Variants in GLT8D2 observed in about 807,000 individuals in gnomAD.
GLT8D2 encodes glycosyltransferase 8 domain-containing protein 2.
A neutral mutation model predicts 44.5 loss-of-function variants in GLT8D2; 45 were observed. The ratio of observed to expected loss-of-function variants is 1.01; its 90% confidence interval spans 0.80 to 1.30. GLT8D2 has a LOEUF of 1.30. Among genes scored for constraint, GLT8D2 ranks in the 50% most tolerant of loss-of-function variants. The probability of loss-of-function intolerance (pLI) is 0.00; values close to 1 mark genes in which losing one functional copy is unlikely to be tolerated. For synonymous variants in GLT8D2, 156 were observed against 157.2 expected, an observed-to-expected ratio of 0.99 and a Z score of 0.06; for missense variants, 400 against 430.4, an observed-to-expected ratio of 0.93 and a Z score of 0.62.
chr12:104,037,959 C>A (rs1178389720), intron 1 of GLT8D2, among the ~76,000 whole-genome samples: 1 of 152,156 alleles, frequency 6.6e-6, no homozygotes, highest in Non-Finnish European at 1.5e-5. Flanking sequence ...ATCAAGTTGG[C>A]CTCATCCCTG....
chr12:104,058,416 G>A (rs576412387), intron 1 of GLT8D2, among the ~76,000 whole-genome samples: 5 of 152,220 alleles, frequency 3.3e-5, no homozygotes, highest in African/African-American at 9.6e-5. Context: ...TTGAGTTCTC[G>A]GATATTGCTG....
At chr12:104,047,369 A>G (rs1426180280) in intron 1 of GLT8D2, among the ~76,000 whole-genome samples, 4 of 148,850 alleles carry the variant, frequency 2.7e-5, no homozygotes, top group African/African-American at 9.9e-5. Flanking sequence ...CAATGGTGCA[A>G]TCTCAGCTCA....
At chr12:104,027,441 A>G (rs1448913051) in intron 1 of GLT8D2, among the ~76,000 whole-genome samples, 1 of 152,242 alleles carries the variant, frequency 6.6e-6, no homozygotes, top group African/African-American at 2.4e-5. Context: ...TAAGTCCCTC[A>G]GGCCATCCAC....
intron 6 of GLT8D2, among the ~76,000 whole-genome samples, chr12:103,997,912 A>C: frequency 1.4e-5 from 1 of 71,336 alleles, no homozygotes; most frequent in Admixed American, 1.9e-4. Context: ...ATCAGCCTTA[A>C]ATACACACAC....
chr12:104,064,281 G>A (rs942002690), upstream of GLT8D2: 4 of 368,330 alleles, frequency 1.1e-5, no homozygotes, highest in South Asian at 3.0e-4. The surrounding 1 kb of genome is among the most constrained non-coding windows in gnomAD (Gnocchi z 7.3). Context: ...GAGGCTCTGG[G>A]TGGGGATGGG....
chr12:104,024,774 C>G (rs1325969633), intron 1 of GLT8D2, among the ~76,000 whole-genome samples: 1 of 151,990 alleles, frequency 6.6e-6, no homozygotes, highest in Non-Finnish European at 1.5e-5. Flanking sequence ...ATTCCGCATA[C>G]AAGTCCTGTG....
At chr12:104,035,461 C>G (rs1296272017) in intron 1 of GLT8D2, among the ~76,000 whole-genome samples, 3 of 152,096 alleles carry the variant, frequency 2.0e-5, no homozygotes, top group African/African-American at 7.2e-5. Context: ...AAACAGTGTA[C>G]AGAGGACCTT....
chr12:103,991,659 C>G (rs1872750110), intron 10 of GLT8D2, among the ~76,000 whole-genome samples: 1 of 151,874 alleles, frequency 6.6e-6, no homozygotes, highest in African/African-American at 2.4e-5. Context: ...AATGTTGAAC[C>G]CAACATGACT....
upstream of GLT8D2, among the ~76,000 whole-genome samples, chr12:104,054,452 A>C (rs763392891): frequency 4.6e-5 from 7 of 151,964 alleles, no homozygotes; most frequent in African/African-American, 7.2e-5. Flanking sequence ...TGACTATGAT[A>C]AATAATGCTG....
At position 104,056,945 on chromosome 12, in the gene GLT8D2, A is replaced by G. The variant is rs562607549; in HGVS notation, c.-422-6657T>C. On this transcript the variant is annotated intron_variant, in intron 1 of 10. Transcript: ENST00000548660. ...AAAAAATGGACGATAGAATTTGCCA[A>G]TAAAGATAAAAGTGAAGCAAAGAAA... Among the ~76,000 whole-genome samples, 6 of 152,348 alleles carry G rather than the reference A, an allele frequency of 3.9e-5. No homozygotes were observed. The East Asian group carries it at 1.2e-3, about 29-fold the overall frequency.
intron 1 of GLT8D2, among the ~76,000 whole-genome samples, chr12:104,044,573 C>A (rs1052090866): frequency 6.6e-6 from 1 of 152,226 alleles, no homozygotes; most frequent in African/African-American, 2.4e-5. Context: ...CTGGGGTTCT[C>A]AGATTCCTCT....
chr12:103,990,176 T>G (rs958076721), intron 10 of GLT8D2, among the ~76,000 whole-genome samples: 1 of 149,144 alleles, frequency 6.7e-6, no homozygotes, highest in African/African-American at 2.4e-5. Context: ...GATTGAAGGT[T>G]GTGTGCCTTT....
chr12:104,031,563 TGTCCC>T (rs1879260605), intron 1 of GLT8D2: 1 of 1,609,750 alleles, frequency 6.2e-7, no homozygotes, highest in East Asian at 2.2e-5. Context: ...GGGAAGATAC[TGTCCC>T]CAGGAGCACC....
At chr12:104,017,627 G>A (rs1453540854) in intron 3 of GLT8D2, among the ~76,000 whole-genome samples, 1 of 151,898 alleles carries the variant, frequency 6.6e-6, no homozygotes, top group East Asian at 1.9e-4. Context: ...CTGGCCTAAA[G>A]AAAATATTAA....
At chr12:104,016,271 G>A (rs1293989836) in intron 3 of GLT8D2, among the ~76,000 whole-genome samples, 1 of 152,160 alleles carries the variant, frequency 6.6e-6, no homozygotes, top group African/African-American at 2.4e-5. Flanking sequence ...TTATGAGCCA[G>A]TAGTAATTAT....
rs760253009 is a variant in GLT8D2, at chr12:104,019,687, A to G, written c.-28-11T>C. The G allele has an allele frequency of 8.8e-6, 14 of 1,585,232 alleles. No individual in the cohort carries two copies. Among genetic ancestry groups the G allele is most frequent in the Non-Finnish European group, 8.6e-6 (10 of 1,159,086 alleles). ...GATAAGAACTGTAACCTGTGGATTAAAGGAAAAAAAATCTGTTTAAAGGAG... is the reference window on the plus strand; with the variant it reads ...GATAAGAACTGTAACCTGTGGATTAGAGGAAAAAAAATCTGTTTAAAGGAG... On this transcript the variant is annotated splice_polypyrimidine_tract_variant and intron_variant, in intron 2 of 10. Coordinates refer to ENST00000360814, the MANE Select transcript of GLT8D2 (RefSeq NM_001384711.1).
At chr12:104,025,507 C>T (rs1312001734) in intron 1 of GLT8D2, among the ~76,000 whole-genome samples, 1 of 152,044 alleles carries the variant, frequency 6.6e-6, no homozygotes, top group African/African-American at 2.4e-5. Context: ...CCACACCTGG[C>T]CTTTTTTTCT....
At chr12:104,009,879 A>G (rs1593539097) in intron 4 of GLT8D2, among the ~76,000 whole-genome samples, 1 of 151,868 alleles carries the variant, frequency 6.6e-6, no homozygotes, top group African/African-American at 2.4e-5. Flanking sequence ...AGTGCCTTTC[A>G]CCTCCCACAT....
intron 4 of GLT8D2, among the ~76,000 whole-genome samples, chr12:104,010,724 T>C (rs908426504): frequency 1.6e-4 from 24 of 152,222 alleles, no homozygotes; most frequent in African/African-American, 5.5e-4. Context: ...TCTATTTATG[T>C]GTCTGTCTCC....
Sources: allele counts gnomAD v4.1 joint callset (sites outside exome capture counted in the v4.1 genomes callset), GRCh38; gene constraint gnomAD v4.1.1; non-coding constraint Gnocchi (gnomAD v3.1); transcripts MANE v1.5; gene names NCBI Gene and HGNC (gene_info 2026-07-23, HGNC 2026-07-21).